Variants in RET observed in about 807,000 individuals in gnomAD.
The protein encoded by RET is ret proto-oncogene.
In RET, 19 loss-of-function variants were observed where a neutral mutation model predicts 118.3. The observed-to-expected ratio is 0.16, with a 90% CI of 0.11 to 0.24. The LOEUF (loss-of-function observed/expected upper bound fraction) is 0.24. Ranked by LOEUF, RET falls within the 10% of genes least tolerant of loss-of-function variation. RET has a pLI of 1.00. For missense variants in RET, 1,219 were observed against 1,502.1 expected (o/e 0.81, Z 3.12); for synonymous variants, 597 against 644.1 (o/e 0.93, Z 1.11).
In RET at chr10:43,105,169, C is replaced by T. The variant is rs770794801; in HGVS notation, c.843C>T (p.Ala281=). The T allele has an allele frequency of 1.9e-6, 3 of 1,612,912 alleles. No homozygotes were observed. The South Asian group carries it at 3.3e-5, about 18-fold the overall frequency. ...TFPAGVDTAS[A]VVEFKRKEDT... ...CCGCGGGCGTCGACACCGCCAGCGCCGTGGTGGAGTTCAAGCGGAAGGAGG... is the reference window on the plus strand; with the variant it reads ...CCGCGGGCGTCGACACCGCCAGCGCTGTGGTGGAGTTCAAGCGGAAGGAGG... Residue 281 remains alanine, a synonymous_variant, in exon 4 of 20, where the codon GCC becomes GCT. Coordinates refer to ENST00000355710, the MANE Select transcript of RET (RefSeq NM_020975.6).
chr10:43,119,865 A>G, intron 14 of RET, 120 bp downstream of exon 14: 2 of 1,280,176 alleles, frequency 1.6e-6, no homozygotes, highest in Admixed American at 1.9e-5. Context: ...CTAGCCCACC[A>G]TGCCCCTGCC....
chr10:43,115,997 C>T (rs1838061414), intron 11 of RET, among the ~76,000 whole-genome samples: 1 of 152,220 alleles, frequency 6.6e-6, no homozygotes, highest in Non-Finnish European at 1.5e-5. Context: ...GCTTTGGCCT[C>T]CCTGGTCAGA....
intron 1 of RET, among the ~76,000 whole-genome samples, chr10:43,094,550 C>T (rs1209972714): frequency 6.6e-6 from 1 of 152,168 alleles, no homozygotes; most frequent in Non-Finnish European, 1.5e-5. Flanking sequence ...GTTTCTGTGG[C>T]AGGGTCACCA....
intron 4 of RET, among the ~76,000 whole-genome samples, 186 bp downstream of exon 4, chr10:43,105,379 C>G (rs1030719126): frequency 6.6e-6 from 1 of 152,022 alleles, no homozygotes; most frequent in Non-Finnish European, 1.5e-5. Context: ...TGCCAGCACC[C>G]AGCTGGGCCT....
intron 2 of RET, among the ~76,000 whole-genome samples, chr10:43,100,957 G>A (rs963738074): frequency 1.3e-5 from 2 of 152,352 alleles, no homozygotes; most frequent in South Asian, 2.1e-4. Context: ...GGAATCATCC[G>A]GGTACACTCT....
chr10:43,079,041 A>T (rs1160202089), intron 1 of RET, among the ~76,000 whole-genome samples: 1 of 152,166 alleles, frequency 6.6e-6, no homozygotes, highest in East Asian at 1.9e-4. Context: ...CGCCCCAGTG[A>T]GCCCCTCGGT....
intron 1 of RET, among the ~76,000 whole-genome samples, chr10:43,079,646 G>T (rs1837134576): frequency 6.6e-6 from 1 of 152,132 alleles, no homozygotes; most frequent in Non-Finnish European, 1.5e-5. Context: ...GACTTCTTGG[G>T]TCCTGTTTTG....
chr10:43,104,656 C>A (rs1296179240), intron 3 of RET: 2 of 551,784 alleles, frequency 3.6e-6, no homozygotes, highest in East Asian at 6.3e-5. Flanking sequence ...CCAGTCCCTA[C>A]TGGTTGATCA....
At chr10:43,078,060 C>T (rs1728660007) in intron 1 of RET, among the ~76,000 whole-genome samples, 1 of 152,232 alleles carries the variant, frequency 6.6e-6, no homozygotes, top group Admixed American at 6.5e-5. Context: ...TTTGCGCCGC[C>T]AGCCAGCGTT....
intron 1 of RET, among the ~76,000 whole-genome samples, chr10:43,090,292 G>A (rs1321256413): frequency 1.3e-5 from 2 of 152,180 alleles, no homozygotes; most frequent in Non-Finnish European, 1.5e-5. Flanking sequence ...AGAGCAGGAC[G>A]CCAGGCAGGG....
In RET at chr10:43,118,392, G is replaced by A. The variant is rs78014899; in HGVS notation, c.2304G>A (p.Glu768=). The change falls in exon 13 of 20, where the codon GAG becomes GAA. Residue 768 remains glutamate, a synonymous_variant. Transcript: ENST00000355710. ...KMLKENASPS[E]LRDLLSEFNV... ...TTTCAGAGAACGCCTCCCCGAGTGA[G>A]CTGCGAGACCTGCTGTCAGAGTTCA... 2.5e-6 allele frequency: 4 copies of A among 1,614,004 alleles called. No individual in the cohort carries two copies. Among genetic ancestry groups the A allele is most frequent in the Admixed American group, 3.3e-5 (2 of 60,002 alleles).
chr10:43,104,279 A>G (rs1837707145), intron 3 of RET, among the ~76,000 whole-genome samples: 2 of 139,792 alleles, frequency 1.4e-5, no homozygotes, highest in African/African-American at 2.5e-5. Flanking sequence ...TTGCTTCCAT[A>G]ATTGAAAAAA....
At chr10:43,105,945 G>T (rs1225844618) in intron 4 of RET, among the ~76,000 whole-genome samples, 7 of 152,148 alleles carry the variant, frequency 4.6e-5, no homozygotes, top group Non-Finnish European at 1.0e-4. Context: ...GGAACAGAGC[G>T]CTCTGATGTA....
intron 1 of RET, among the ~76,000 whole-genome samples, chr10:43,087,939 G>A (rs1837324076): frequency 1.3e-5 from 2 of 152,184 alleles, no homozygotes; most frequent in African/African-American, 4.8e-5. Context: ...GTTGGTGTTG[G>A]TAGTGGTGGT....
Position 43,126,673 on chromosome 10 carries a change from C to T in RET, c.3138C>T (p.Ala1046=), listed in dbSNP as rs201576838. The T allele has an allele frequency of 6.2e-7, 1 of 1,613,924 alleles. No individual in the cohort carries two copies. Among genetic ancestry groups the T allele is most frequent in the Non-Finnish European group, 8.5e-7 (1 of 1,180,014 alleles). ...EETPLVDCNN[A]PLPRALPSTW... Reference sequence around the variant, plus strand: ...CACCGCTGGTGGACTGTAATAATGCCCCCCTCCCTCGAGCCCTCCCTTCCA... The same window carrying T: ...CACCGCTGGTGGACTGTAATAATGCTCCCCTCCCTCGAGCCCTCCCTTCCA... Residue 1046 remains alanine, a synonymous_variant, in exon 19 of 20, where the codon GCC becomes GCT. Coordinates refer to ENST00000355710, the MANE Select transcript of RET (RefSeq NM_020975.6).
intron 1 of RET, among the ~76,000 whole-genome samples, chr10:43,082,790 A>G (rs896557525): frequency 1.3e-5 from 2 of 152,198 alleles, no homozygotes; most frequent in East Asian, 3.8e-4. Flanking sequence ...GGAAACATGT[A>G]TTTCCTAGAA....
At chr10:43,112,759 C>A in intron 8 of RET, 94 bp from the exon 9 acceptor site, 1 of 967,728 alleles carries the variant, frequency 1.0e-6, no homozygotes, top group Non-Finnish European at 1.6e-6. Context: ...CCTCCAGTTG[C>A]TCCTCCCTAG....
chr10:43,105,420 C>A lies in RET; in HGVS notation c.867+227C>A, dbSNP rs372478096. 1.3e-3 allele frequency among the ~76,000 whole-genome samples: 204 copies of A among 152,164 alleles called. 1 individual carries two copies. Among genetic ancestry groups the A allele is most frequent in the Non-Finnish European group, 1.9e-4 (13 of 67,992 alleles). The stretch of plus-strand genomic sequence containing the variant: ...CGGGAGGCAAGGACCAGGACGAGGC[C>A]CGAGGGCTCGCGTCTGGGGCATACT... On this transcript the variant is annotated intron_variant, in intron 4 of 19. Coordinates refer to ENST00000355710, the MANE Select transcript of RET (RefSeq NM_020975.6).
In RET at chr10:43,106,312, T is replaced by C. The variant is rs1490167179; in HGVS notation, c.868-64T>C. ...GGGACGTGCAGCATTCTAAGGTCTC[T>C]GGTTTTGGGGGGTCTGAGGGGCCCA... On this transcript the variant is annotated intron_variant, in intron 4 of 19. Transcript: ENST00000355710. This position sits in a 1 kb window ranked among gnomAD's most constrained non-coding sequence, Gnocchi z 5.1. The C allele has an allele frequency of 1.3e-6, 2 of 1,511,372 alleles. No individual in the cohort carries two copies. The highest frequency in any genetic ancestry group is 1.8e-6 in the Non-Finnish European group (2 of 1,103,602). The allele number at this position is 1,511,372 out of a possible 1,614,324, so 93.6% of individuals were successfully genotyped here. A position where few individuals can be genotyped will look rare whatever the true frequency, so the allele number is the denominator to read the frequency against.
Sources: allele counts gnomAD v4.1 joint callset (sites outside exome capture counted in the v4.1 genomes callset), GRCh38; gene constraint gnomAD v4.1.1; non-coding constraint Gnocchi (gnomAD v3.1); transcripts MANE v1.5; gene names NCBI Gene and HGNC (gene_info 2026-07-23, HGNC 2026-07-21).